SLCO1B1: variants seen among roughly 807,000 people sequenced by gnomAD.
SLCO1B1 encodes the protein solute carrier organic anion transporter family member 1B1.
A neutral mutation model predicts 70.1 loss-of-function variants in SLCO1B1; 81 were observed. That is an observed-to-expected ratio of 1.16 (90% CI 0.97 to 1.39). SLCO1B1 has a LOEUF of 1.39. Among genes scored for constraint, SLCO1B1 ranks in the 40% most tolerant of loss-of-function variants. SLCO1B1 has a pLI of 0.00. For synonymous variants in SLCO1B1, 283 were observed against 271.5 expected, an observed-to-expected ratio of 1.04 and a Z score of -0.42; for missense variants, 895 against 799.6, an observed-to-expected ratio of 1.12 and a Z score of -1.44.
chr12:21,203,357 C>A (rs1941179329), intron 10 of SLCO1B1, among the ~76,000 whole-genome samples: 1 of 152,016 alleles, frequency 6.6e-6, no homozygotes, highest in African/African-American at 2.4e-5. Flanking sequence ...TTTAGTGCAA[C>A]AGTCTCCACC....
chr12:21,174,753 C>G, intron 4 of SLCO1B1, 44 bp downstream of exon 4: 1 of 1,576,790 alleles, frequency 6.3e-7, no homozygotes, highest in Non-Finnish European at 8.6e-7. Context: ...ACTATCAGTA[C>G]CTTGTAAATT....
intron 11 of SLCO1B1, among the ~76,000 whole-genome samples, chr12:21,208,928 T>A (rs1941245333): frequency 6.6e-6 from 1 of 152,078 alleles, no homozygotes; most frequent in African/African-American, 2.4e-5. Flanking sequence ...TCAGTTTAAC[T>A]GTTATCGGTG....
At chr12:21,218,185 T>G (rs942626045) in intron 12 of SLCO1B1, among the ~76,000 whole-genome samples, 1 of 152,064 alleles carries the variant, frequency 6.6e-6, no homozygotes, top group Admixed American at 6.6e-5. Context: ...CTGGTGTGTT[T>G]GAGAAATGAA....
chr12:21,136,609 C>T (rs140975991), intron 1 of SLCO1B1, among the ~76,000 whole-genome samples: 3 of 152,202 alleles, frequency 2.0e-5, no homozygotes, highest in Admixed American at 6.5e-5. Context: ...AACCTTTCTT[C>T]CAGTTGATCC....
In SLCO1B1 at chr12:21,178,723, G is replaced by T; in HGVS notation, c.628+1G>T. On this transcript the variant is annotated splice_donor_variant, in intron 6 of 14. Transcript: ENST00000256958. LOFTEE classifies it high-confidence loss of function. ...GAAGGACATTCTTCTTTGTATTTAG[G>T]TAATGTACACAAAATATTAAATTGT... 1 of 1,599,092 alleles carries T rather than the reference G, an allele frequency of 6.3e-7. No individual in the cohort carries two copies. Among genetic ancestry groups the T allele is most frequent in the Non-Finnish European group, 8.6e-7 (1 of 1,166,540 alleles).
intron 10 of SLCO1B1, among the ~76,000 whole-genome samples, chr12:21,203,144 C>T (rs964443120): frequency 3.9e-5 from 6 of 152,060 alleles, no homozygotes; most frequent in Non-Finnish European, 8.8e-5. Context: ...CTTTTATCTA[C>T]AGTTCATATC....
At chr12:21,196,836 C>G in intron 7 of SLCO1B1, 110 bp from the exon 8 acceptor site, 1 of 1,122,456 alleles carries the variant, frequency 8.9e-7, no homozygotes. Context: ...AGAAAAAAAT[C>G]GTGTCTTGGA....
rs1260295116 is a variant in SLCO1B1, at chr12:21,209,665, A to G, written c.1497+3632A>G. Among the ~76,000 whole-genome samples, 11 of 151,708 alleles carry G rather than the reference A, an allele frequency of 7.3e-5. No individual in the cohort carries two copies. In the East Asian group the frequency reaches 2.2e-3, roughly 30 times the overall value. ...TTCCACAATGGTTAAACTAGTTTAC[A>G]GTCCCACCAACAGTGTAAAAGTGTT... On this transcript the variant is annotated intron_variant, in intron 11 of 14. Coordinates refer to ENST00000256958, the MANE Select transcript of SLCO1B1 (RefSeq NM_006446.5).
At chr12:21,201,892 A>G (rs962457603) in intron 9 of SLCO1B1, among the ~76,000 whole-genome samples, 2 of 152,202 alleles carry the variant, frequency 1.3e-5, no homozygotes, top group African/African-American at 2.4e-5. Flanking sequence ...GCATTCTACT[A>G]TAAAGATACA....
At chr12:21,145,839 G>T (rs185849523) in intron 2 of SLCO1B1, among the ~76,000 whole-genome samples, 192 of 152,148 alleles carry the variant, frequency 1.3e-3, no homozygotes, top group African/African-American at 4.4e-3. Context: ...TGCAAGTGGT[G>T]CTGGTTACAT....
chr12:21,224,719 C>T lies in SLCO1B1; in HGVS notation c.1748-3C>T. The T allele has an allele frequency of 6.5e-7, 1 of 1,542,332 alleles. No homozygotes were observed. Among genetic ancestry groups the T allele is most frequent in the Non-Finnish European group, 9.0e-7 (1 of 1,116,042 alleles). The stretch of plus-strand genomic sequence containing the variant: ...ACTGACATCTTCTCTTCTCCTATTA[C>T]AGGAGGAATTCTAGCTCCAATATAT... On this transcript the variant is annotated splice_polypyrimidine_tract_variant and splice_region_variant and intron_variant, in intron 13 of 14. Transcript: ENST00000256958.
Position 21,178,662 on chromosome 12 carries a change from C to T in SLCO1B1, c.568C>T (p.Pro190Ser). 1.2e-6 allele frequency: 2 copies of T among 1,605,052 alleles called. No homozygotes were observed. Among genetic ancestry groups the T allele is most frequent in the Non-Finnish European group, 1.7e-6 (2 of 1,171,866 alleles). Residue 190 changes from proline to serine, a missense_variant, in exon 6 of 15, where the codon CCA becomes TCA. By Grantham distance (74) the Pro-to-Ser change is moderately conservative (BLOSUM62 -1). Coordinates refer to ENST00000256958, the MANE Select transcript of SLCO1B1 (RefSeq NM_006446.5). ...LRGIGETPIV[P>S]LGLSYIDDFA... ...TGGAATAGGGGAGACTCCCATAGTA[C>T]CATTGGGGCTTTCTTACATTGATGA...
rs75161672 is a variant in SLCO1B1, at chr12:21,202,789, TTTAAG to T, written c.1331+109_1331+113del. The stretch of plus-strand genomic sequence containing the variant: ...AGAAAACAATTTTAACTAAACTTTC[TTTAAG>T]TTAAGAGAAATTTCAATTTTAAAAT... On this transcript the variant is annotated intron_variant, in intron 10 of 14. Transcript: ENST00000256958. 797 of 938,978 alleles carry T rather than the reference TTTAAG, an allele frequency of 8.5e-4. 4 individuals carry two copies. In the African/African-American group the frequency reaches 0.01, roughly 12 times the overall value. 58.2% of individuals were successfully genotyped at this position (938,978 alleles called of 1,614,324 possible).
At chr12:21,223,404 T>G (rs1941451140) in intron 13 of SLCO1B1, among the ~76,000 whole-genome samples, 2 of 152,202 alleles carry the variant, frequency 1.3e-5, no homozygotes, top group South Asian at 4.1e-4. Context: ...GGTTATGAGT[T>G]TTAAAATTGT....
chr12:21,205,998 G>A lies in SLCO1B1; in HGVS notation c.1462G>A (p.Gly488Ser), dbSNP rs774471564. The A allele has an allele frequency of 3.7e-6, 6 of 1,611,998 alleles. No homozygotes were observed. The highest frequency in any genetic ancestry group is 1.6e-4 in the Middle Eastern group (1 of 6,072). ...AACTTACATCTCACCCTGTCTAGCA[G>A]GTTGCAAATCTTCAAGTGGCAATAA... Reference protein sequence around the residue: ...GITYISPCLAGCKSSSGNKKP... With the variant: ...GITYISPCLASCKSSSGNKKP... Residue 488 changes from glycine to serine, a missense_variant, in exon 11 of 15, where the codon GGT becomes AGT. Transcript: ENST00000256958.
intron 2 of SLCO1B1, among the ~76,000 whole-genome samples, chr12:21,159,622 G>A (rs1390146434): frequency 6.6e-6 from 1 of 152,126 alleles, no homozygotes; most frequent in Non-Finnish European, 1.5e-5. Context: ...GGCATTATTT[G>A]CTGTGAGTTT....
At chr12:21,133,493 C>T (rs1252872201) in intron 1 of SLCO1B1, among the ~76,000 whole-genome samples, 1 of 152,062 alleles carries the variant, frequency 6.6e-6, no homozygotes, top group East Asian at 1.9e-4. Context: ...TTGTTCGTAT[C>T]CTCTTTTATT....
intron 4 of SLCO1B1, among the ~76,000 whole-genome samples, chr12:21,175,424 G>GAT (rs1231623433): frequency 6.6e-6 from 1 of 151,926 alleles, no homozygotes; most frequent in African/African-American, 2.4e-5. Context: ...TTCACACATA[G>GAT]ATATATAAAT....
intron 8 of SLCO1B1, among the ~76,000 whole-genome samples, chr12:21,199,076 T>C (rs1591817583): frequency 6.6e-6 from 1 of 152,228 alleles, no homozygotes; most frequent in Admixed American, 6.6e-5. Flanking sequence ...ATACATTTTC[T>C]TATCTCTTCT....
Sources: allele counts gnomAD v4.1 joint callset (sites outside exome capture counted in the v4.1 genomes callset), GRCh38; gene constraint gnomAD v4.1.1; transcripts MANE v1.5; gene names NCBI Gene and HGNC (gene_info 2026-07-23, HGNC 2026-07-21).